Variants in C11orf65 observed in about 807,000 individuals in gnomAD.
C11orf65 encodes the protein chromosome 11 open reading frame 65.
Under a neutral mutation model 35.3 loss-of-function variants are expected in C11orf65, and 38 were observed. The ratio of observed to expected loss-of-function variants is 1.08; its 90% CI spans 0.83 to 1.41. C11orf65 has a LOEUF of 1.41. Among genes scored for constraint, C11orf65 ranks in the 40% most tolerant of loss-of-function variants. The probability of loss-of-function intolerance (pLI) is 0.00; values close to 1 mark genes in which losing one functional copy is unlikely to be tolerated. For synonymous variants in C11orf65, 105 were observed against 114.4 expected (o/e 0.92, Z 0.53); for missense variants, 370 against 367.1 (o/e 1.01, Z -0.06).
intron 6 of C11orf65, among the ~76,000 whole-genome samples, chr11:108,398,809 C>T (rs776018103): frequency 2.6e-5 from 4 of 152,104 alleles, no homozygotes; most frequent in Non-Finnish European, 5.9e-5. Context: ...AAAATGATGA[C>T]GATGGATAAC....
chr11:108,414,401 A>G (rs2092702732), intron 3 of C11orf65, among the ~76,000 whole-genome samples: 1 of 152,034 alleles, frequency 6.6e-6, no homozygotes. Context: ...CATGGACACT[A>G]AAAAGGATAA....
At position 108,354,733 on chromosome 11, in the gene C11orf65, A is replaced by T. The variant is rs142492245; in HGVS notation, c.227-19441T>A. On this transcript the variant is annotated intron_variant, in intron 2 of 3. Coordinates refer to the C11orf65 transcript ENST00000524755. ...TAAGCATAGGCTCAGCATACTACAC[A>T]TGAGAGTATACAGATAAAGATACGT... is the stretch of plus-strand genomic sequence containing the variant. 3 of 1,217,274 alleles carry T rather than the reference A, an allele frequency of 2.5e-6. No homozygotes were observed. In the African/African-American group the frequency reaches 4.5e-5, roughly 18 times the overall value. 75.4% of individuals were successfully genotyped at this position (1,217,274 alleles called of 1,614,324 possible).
intron 2 of C11orf65, chr11:108,353,932 T>C (rs766372922): frequency 1.2e-5 from 18 of 1,518,890 alleles, no homozygotes; most frequent in African/African-American, 1.4e-5. Flanking sequence ...CAAAATTACA[T>C]GGGCTGGGCA....
chr11:108,396,857 A>AT (rs1478791344), intron 6 of C11orf65, among the ~76,000 whole-genome samples: 2 of 148,450 alleles, frequency 1.3e-5, no homozygotes, highest in African/African-American at 4.9e-5. Flanking sequence ...AAATAAATAA[A>AT]TAAATAAATA....
intron 6 of C11orf65, among the ~76,000 whole-genome samples, chr11:108,398,588 T>C (rs2092371541): frequency 6.6e-6 from 1 of 152,214 alleles, no homozygotes; most frequent in South Asian, 2.1e-4. Context: ...GTAAAACGCA[T>C]ATTATTCTTC....
downstream of C11orf65, among the ~76,000 whole-genome samples, chr11:108,329,976 T>A (rs1371133618): frequency 6.6e-6 from 1 of 152,210 alleles, no homozygotes; most frequent in Non-Finnish European, 1.5e-5. Context: ...TAAGCAGAGG[T>A]GTAAGTTAGC....
intron 6 of C11orf65, chr11:108,317,244 T>A (rs899948487): frequency 3.2e-6 from 3 of 927,700 alleles, no homozygotes; most frequent in Non-Finnish European, 4.9e-6. Context: ...CAGCTGATAT[T>A]TTGGGATTTT....
intron 6 of C11orf65, among the ~76,000 whole-genome samples, chr11:108,319,232 T>TA (rs2085009731): frequency 6.6e-6 from 1 of 152,234 alleles, no homozygotes; most frequent in African/African-American, 2.4e-5. Context: ...AAGACTGCTA[T>TA]AAAATTAGAG....
intron 2 of C11orf65, among the ~76,000 whole-genome samples, chr11:108,451,790 AC>A (rs2093351205): frequency 6.6e-6 from 1 of 152,238 alleles, no homozygotes; most frequent in Non-Finnish European, 1.5e-5. Context: ...ACAGCATGGT[AC>A]TGGTACCAAA....
chr11:108,391,416 G>C (rs892529847), intron 7 of C11orf65, among the ~76,000 whole-genome samples: 3 of 151,934 alleles, frequency 2.0e-5, no homozygotes, highest in Admixed American at 1.3e-4. Context: ...AGTTTCACTC[G>C]TTGCCCAGGC....
intron 2 of C11orf65, among the ~76,000 whole-genome samples, chr11:108,452,882 G>T (rs1234867387): frequency 1.3e-5 from 2 of 151,672 alleles, no homozygotes; most frequent in Non-Finnish European, 2.9e-5. Context: ...CCATCATTCT[G>T]AGCAAACTAT....
downstream of C11orf65, among the ~76,000 whole-genome samples, chr11:108,379,305 T>C (rs931026320): frequency 3.9e-5 from 6 of 152,014 alleles, no homozygotes; most frequent in Non-Finnish European, 5.9e-5. Flanking sequence ...CCATAAAAAA[T>C]GATGGGTTCA....
rs1458325604 is a variant in C11orf65 at position 108,383,143 on chromosome 11, A to G, written c.820T>C (p.Tyr274His). Residue 274 changes from tyrosine to histidine, a missense_variant, in exon 9 of 9, where the codon TAT (tyrosine) becomes CAT (histidine). By Grantham distance (83) the Tyr-to-His change is moderately conservative (BLOSUM62 2). Coordinates refer to ENST00000393084, the MANE Select transcript of C11orf65 (RefSeq NM_152587.5). ...TTTGATATGTCTCCTCCATAGTTATATATGTTTTTCTGTGCTTGATTAAAC... is the reference window on the plus strand; with the variant it reads ...TTTGATATGTCTCCTCCATAGTTATGTATGTTTTTCTGTGCTTGATTAAAC... ...FRFNQAQKNI[Y>H]NYGGDISKMQ... 3.1e-6 allele frequency: 5 copies of G among 1,604,948 alleles called. No individual in the cohort carries two copies. Among genetic ancestry groups the G allele is most frequent in the South Asian group, 2.3e-5 (2 of 88,846 alleles).
chr11:108,456,649 G>C (rs1403989576), intron 2 of C11orf65, among the ~76,000 whole-genome samples: 2 of 151,642 alleles, frequency 1.3e-5, no homozygotes, highest in Non-Finnish European at 2.9e-5. Context: ...AGGCATGGTA[G>C]TGCACACCTG....
In C11orf65 at chr11:108,450,337, C is replaced by T. The variant is rs927703126; in HGVS notation, c.81+11142G>A. 7.2e-5 allele frequency among the ~76,000 whole-genome samples: 11 copies of T among 151,768 alleles called. No individual in the cohort carries two copies. The South Asian group carries it at 1.2e-3, about 17-fold the overall frequency. On this transcript the variant is annotated intron_variant, in intron 2 of 8. Transcript: ENST00000393084. ...GACACATGCACACGTATGTTTATTG[C>T]GGCACTATTCACAATAGCAAAGACT...
downstream of C11orf65, among the ~76,000 whole-genome samples, chr11:108,381,410 G>A (rs2091862589): frequency 6.6e-6 from 1 of 152,114 alleles, no homozygotes; most frequent in South Asian, 2.1e-4. Context: ...TTGCTACCTG[G>A]TCATGTTTGG....
intron 2 of C11orf65, among the ~76,000 whole-genome samples, chr11:108,376,178 T>C (rs2091719544): frequency 6.6e-6 from 1 of 152,074 alleles, no homozygotes; most frequent in Non-Finnish European, 1.5e-5. Flanking sequence ...ATCAACAGAA[T>C]ATACATTCTT....
At chr11:108,381,739 G>A (rs1178222955), downstream of C11orf65, among the ~76,000 whole-genome samples, 2 of 152,112 alleles carry the variant, frequency 1.3e-5, no homozygotes, top group Non-Finnish European at 2.9e-5. Context: ...CACTAAGATT[G>A]TTCCTTTTCT....
rs553834670 is a variant in C11orf65, at chr11:108,359,418, A to G, written c.227-24126T>C. ...AAAAAGTCAACAAGGATACCCAGGA[A>G]TTGAACTCAGCTCTGCACCAAGCGG... On this transcript the variant is annotated intron_variant, in intron 2 of 3. Coordinates refer to the C11orf65 transcript ENST00000524755. Among the ~76,000 whole-genome samples, 514 of 152,274 alleles carry G rather than the reference A, an allele frequency of 3.4e-3. 4 individuals are homozygous for G. Among genetic ancestry groups the G allele is most frequent in the African/African-American group, 0.012 (478 of 41,558 alleles).
Sources: allele counts gnomAD v4.1 joint callset (sites outside exome capture counted in the v4.1 genomes callset), GRCh38; gene constraint gnomAD v4.1.1; transcripts MANE v1.5; gene names NCBI Gene and HGNC (gene_info 2026-07-23, HGNC 2026-07-21).